The following ATP11C variants were observed in gnomAD, a reference collection of about 807,000 sequenced individuals.
ATP11C encodes ATPase phospholipid transporting 11C (ATP11C blood group).
ATP11C carries 36 observed loss-of-function variants against 97.4 expected under a neutral mutation model. The ratio of observed to expected loss-of-function variants is 0.37; its 90% CI spans 0.28 to 0.49. The LOEUF (loss-of-function observed/expected upper bound fraction) is 0.49. ATP11C is among the 20% of genes least tolerant of loss of function. The pLI, the probability that ATP11C is intolerant of heterozygous loss-of-function variation, is 0.98. For synonymous variants in ATP11C, 275 were observed against 290.9 expected (o/e 0.95, Z 0.56); for missense variants, 730 against 824.6 (o/e 0.89, Z 1.40).
In ATP11C at chrX:139,796,305, T is replaced by A; in HGVS notation, c.1174A>T (p.Asn392Tyr). The A allele has an allele frequency of 8.3e-7, 1 of 1,206,187 alleles. No homozygotes were observed. The highest frequency in any genetic ancestry group is 1.1e-6 in the Non-Finnish European group (1 of 892,552). ...DEEINEGALV[N>Y]TSDLNEELGQ... ...AGTTCTTCATTAAGGTCTGATGTGT[T>A]AACCAGGGCTCCTTCATTAATTTCT... is the stretch of plus-strand genomic sequence containing the variant. The change falls in exon 12 of 30, where the codon AAC (asparagine) becomes TAC (tyrosine). Residue 392 changes from asparagine to tyrosine, a missense_variant. Asn to Tyr is a moderately radical substitution (Grantham distance 143). Transcript: ENST00000682941.
intron 1 of ATP11C, among the ~76,000 whole-genome samples, chrX:139,856,853 G>C (rs2084098386): frequency 8.9e-6 from 1 of 112,106 alleles, no homozygotes; most frequent in African/African-American, 3.2e-5. Context: ...CAGATGGCTT[G>C]GGAAAATAGG....
chrX:139,856,891 A>G (rs2147975135), intron 1 of ATP11C, among the ~76,000 whole-genome samples: 1 of 111,939 alleles, frequency 8.9e-6, no homozygotes, highest in South Asian at 3.8e-4. Context: ...ATTAGCAGAA[A>G]GAGGAGGAGT....
chrX:139,860,888 G>A, intron 1 of ATP11C, among the ~76,000 whole-genome samples: 1 of 112,213 alleles, frequency 8.9e-6, no homozygotes. Context: ...ACCATCACTG[G>A]TGTGAATGAG....
upstream of ATP11C, among the ~76,000 whole-genome samples, chrX:139,936,028 T>C (rs1366021765): frequency 9.1e-6 from 1 of 109,933 alleles, no homozygotes; most frequent in African/African-American, 3.3e-5. Flanking sequence ...GGGGGCAGGA[T>C]GGCTCACACC....
At position 139,827,370 on chromosome X, in the gene ATP11C, A is replaced by G. The variant is rs1125214; in HGVS notation, c.28-547T>C. Among the ~76,000 whole-genome samples, 387 of 112,182 alleles carry G rather than the reference A, an allele frequency of 3.4e-3. 3 individuals are homozygous for G. Among genetic ancestry groups the G allele is most frequent in the African/African-American group, 0.012 (364 of 30,938 alleles). On this transcript the variant is annotated intron_variant, in intron 1 of 29. Coordinates refer to ENST00000682941, the MANE Select transcript of ATP11C (RefSeq NM_001353812.2). ...GACTTTTTCTAAAAAGAAACTAGTT[A>G]TTTGGCTTTACAGGATAGTTTATTT...
chrX:139,874,684 C>T (rs1401878704), intron 1 of ATP11C, among the ~76,000 whole-genome samples: 3 of 108,242 alleles, frequency 2.8e-5, no homozygotes, highest in African/African-American at 1.1e-4. Flanking sequence ...CCCCAGGGAA[C>T]TTGTTCAAAA....
At chrX:139,745,160 C>T (rs1171912238) in intron 25 of ATP11C, among the ~76,000 whole-genome samples, 1 of 111,541 alleles carries the variant, frequency 9.0e-6, no homozygotes, top group African/African-American at 3.3e-5. Context: ...TCCTAGAGTA[C>T]AGCCAGGGCA....
intron 19 of ATP11C, among the ~76,000 whole-genome samples, chrX:139,773,213 T>C (rs180678987): frequency 6.3e-5 from 7 of 111,729 alleles, no homozygotes; most frequent in African/African-American, 2.0e-4. Context: ...CTTTTTGCCA[T>C]GATTCTGAGG....
At chrX:139,812,545 T>G (rs2083196905) in intron 5 of ATP11C, among the ~76,000 whole-genome samples, 1 of 105,994 alleles carries the variant, frequency 9.4e-6, no homozygotes, top group Non-Finnish European at 1.9e-5. Flanking sequence ...TTACTGTTGT[T>G]GGTTTTTTTT....
intron 29 of ATP11C, among the ~76,000 whole-genome samples, chrX:139,729,717 G>C (rs1185797612): frequency 8.9e-6 from 1 of 111,830 alleles, no homozygotes; most frequent in Admixed American, 9.5e-5. Context: ...TTAAGTGTAA[G>C]TCAAGTATGT....
chrX:139,913,950 G>A (rs751634483), intron 1 of ATP11C, among the ~76,000 whole-genome samples: 5 of 111,899 alleles, frequency 4.5e-5, no homozygotes, highest in South Asian at 7.4e-4. Context: ...GTAGAATACC[G>A]TCAAATGTGC....
At chrX:139,736,880 A>C in intron 28 of ATP11C, among the ~76,000 whole-genome samples, 1 of 111,414 alleles carries the variant, frequency 9.0e-6, no homozygotes, top group Middle Eastern at 4.6e-3. Context: ...CCTCTTTTAC[A>C]ATTCTAATCA....
At chrX:139,833,726 T>G (rs1469809552) in intron 1 of ATP11C, among the ~76,000 whole-genome samples, 1 of 110,917 alleles carries the variant, frequency 9.0e-6, no homozygotes, top group Non-Finnish European at 1.9e-5. Context: ...CAGGGAAGGC[T>G]TTCAGGGCAA....
chrX:139,826,159 A>T (rs2083524046), intron 2 of ATP11C, among the ~76,000 whole-genome samples: 1 of 111,335 alleles, frequency 9.0e-6, no homozygotes. Flanking sequence ...AGCTGCAGTG[A>T]CTTAACTCTT....
intron 1 of ATP11C, among the ~76,000 whole-genome samples, chrX:139,900,759 T>C (rs2084887844): frequency 8.9e-6 from 1 of 112,290 alleles, no homozygotes; most frequent in African/African-American, 3.2e-5. Context: ...ATTTTGTAAA[T>C]AGGTAAGGAG....
chrX:139,783,200 A>AC lies in ATP11C; in HGVS notation c.1733_1734insG (p.Ile578MetfsTer2). 1 of 1,208,807 alleles carries AC rather than the reference A, an allele frequency of 8.3e-7. No homozygotes were observed. Among genetic ancestry groups the AC allele is most frequent in the Non-Finnish European group, 1.1e-6 (1 of 893,432 alleles). On this transcript the variant is annotated frameshift_variant, in exon 17 of 30. Transcript: ENST00000682941. LOFTEE classifies it high-confidence loss of function. ...GTTCCACATGGACTTTAGTTAACTC[A>AC]ATTTCATGATTTTGCACTCTGGGAA... is the stretch of plus-strand genomic sequence containing the variant.
In ATP11C at chrX:139,866,605, G is replaced by C. The variant is rs140074177; in HGVS notation, c.28-39782C>G. Reference sequence around the variant, plus strand: ...TGGTGGCACACACCTGTAGTCCCAGGTACTCGGGAGGCTGAGGTGGGAGGA... The same window carrying C: ...TGGTGGCACACACCTGTAGTCCCAGCTACTCGGGAGGCTGAGGTGGGAGGA... On this transcript the variant is annotated intron_variant, in intron 1 of 29. Transcript: ENST00000682941. 3.0e-3 allele frequency among the ~76,000 whole-genome samples: 325 copies of C among 109,705 alleles called. 2 individuals are homozygous for C. Among genetic ancestry groups the C allele is most frequent in the African/African-American group, 9.0e-3 (273 of 30,168 alleles).
At chrX:139,772,559 C>A (rs760390657) in intron 19 of ATP11C, among the ~76,000 whole-genome samples, 1 of 111,987 alleles carries the variant, frequency 8.9e-6, no homozygotes, top group South Asian at 3.7e-4. Context: ...AGACTATACC[C>A]TGCAAGGCCA....
chrX:139,852,619 G>A (rs1436337015), intron 1 of ATP11C, among the ~76,000 whole-genome samples: 1 of 109,377 alleles, frequency 9.1e-6, no homozygotes, highest in Non-Finnish European at 1.9e-5. Flanking sequence ...ATATGTGTAT[G>A]CGTGAATGAT....
Sources: gnomAD v4.1 joint callset for allele counts (sites outside exome capture counted in the v4.1 genomes callset) on GRCh38, gnomAD v4.1.1 for gene constraint, MANE v1.5 for transcripts, NCBI Gene and HGNC (gene_info 2026-07-23, HGNC 2026-07-21) for gene names.